Variants in FHIT observed in about 807,000 individuals in gnomAD.
FHIT encodes fragile histidine triad diadenosine triphosphatase.
A neutral mutation model predicts 17.9 loss-of-function variants in FHIT; 19 were observed. The ratio of observed to expected loss-of-function variants is 1.06; its 90% CI spans 0.74 to 1.56. The LOEUF is 1.56. Ranked by LOEUF, FHIT falls within the 40% of genes most tolerant of loss-of-function variation. FHIT has a pLI of 0.00. For synonymous variants in FHIT, 81 were observed against 69.7 expected (o/e 1.16, Z -0.81); for missense variants, 248 against 189.2 (o/e 1.31, Z -1.82).
intron 3 of FHIT, among the ~76,000 whole-genome samples, chr3:60,995,193 C>A (rs1253214064): frequency 6.6e-6 from 1 of 151,908 alleles, no homozygotes; most frequent in Non-Finnish European, 1.5e-5. Flanking sequence ...TGGTGGCAGG[C>A]GCCTGAGTCC....
At chr3:59,939,912 A>T (rs996377867) in intron 7 of FHIT, among the ~76,000 whole-genome samples, 1 of 152,184 alleles carries the variant, frequency 6.6e-6, no homozygotes, top group African/African-American at 2.4e-5. Flanking sequence ...CTCCATGGTC[A>T]TACATCCAGC....
At chr3:60,952,486 T>A (rs188344993) in intron 3 of FHIT, among the ~76,000 whole-genome samples, 38 of 152,294 alleles carry the variant, frequency 2.5e-4, no homozygotes, top group Admixed American at 7.2e-4. Context: ...CTCAGTACTA[T>A]TCCAGGAGAA....
At chr3:59,812,881 C>G (rs2107053442) in intron 8 of FHIT, among the ~76,000 whole-genome samples, 1 of 152,258 alleles carries the variant, frequency 6.6e-6, no homozygotes, top group East Asian at 1.9e-4. Flanking sequence ...AAAGCATAAA[C>G]CTGGTATCTC....
Position 60,572,048 on chromosome 3 carries a change from T to C in FHIT, c.-17-35069A>G, listed in dbSNP as rs2037402933. Among the ~76,000 whole-genome samples the C allele has an allele frequency of 3.3e-5, 5 of 151,566 alleles. No homozygotes were observed. In the South Asian group the frequency reaches 1.0e-3, roughly 31 times the overall value. On this transcript the variant is annotated intron_variant, in intron 4 of 9. Coordinates refer to ENST00000492590, the MANE Select transcript of FHIT (RefSeq NM_002012.4). ...TTTCTTTTTTTTGGGGGGGAAGATT[T>C]AACAGGCATTACTTGAAGAAACTTA...
chr3:59,799,679 T>C (rs1413903402), intron 8 of FHIT, among the ~76,000 whole-genome samples: 1 of 152,222 alleles, frequency 6.6e-6, no homozygotes, highest in Non-Finnish European at 1.5e-5. Context: ...TTTCTTCCAT[T>C]TATTTCATTT....
At chr3:59,924,189 A>T (rs1705545131) in intron 7 of FHIT, among the ~76,000 whole-genome samples, 5 of 152,208 alleles carry the variant, frequency 3.3e-5, no homozygotes, top group African/African-American at 1.2e-4. Flanking sequence ...ATAACGTAGA[A>T]CAAGGATACA....
chr3:60,331,012 T>G (rs1281469849), intron 5 of FHIT, among the ~76,000 whole-genome samples: 1 of 152,222 alleles, frequency 6.6e-6, no homozygotes, highest in Non-Finnish European at 1.5e-5. Context: ...CTTTTCAAGA[T>G]TCTTCCAAGG....
At chr3:60,560,217 A>T (rs140419800) in intron 4 of FHIT, among the ~76,000 whole-genome samples, 1 of 152,282 alleles carries the variant, frequency 6.6e-6, no homozygotes, top group African/African-American at 2.4e-5. Flanking sequence ...GGTGTTAACT[A>T]ATTAGTATAC....
intron 3 of FHIT, among the ~76,000 whole-genome samples, chr3:60,970,122 C>A (rs6808414): frequency 0.25 from 37,745 of 152,102 alleles, 5,895 homozygotes; most frequent in East Asian, 0.62. Flanking sequence ...CCAGGCCCAG[C>A]CGTTTACTGA....
At chr3:59,855,576 C>T (rs1051070406) in intron 8 of FHIT, among the ~76,000 whole-genome samples, 4 of 152,084 alleles carry the variant, frequency 2.6e-5, no homozygotes, top group African/African-American at 9.7e-5. Flanking sequence ...ATATTAAAAT[C>T]TGTACTTATA....
intron 5 of FHIT, chr3:60,536,487 T>G (rs2035985418): frequency 5.7e-6 from 1 of 174,048 alleles, no homozygotes; most frequent in South Asian, 2.0e-4. Flanking sequence ...CAATCTACTA[T>G]TAAAATTCAC....
intron 3 of FHIT, among the ~76,000 whole-genome samples, chr3:60,885,341 T>G (rs1414275914): frequency 6.6e-6 from 1 of 152,166 alleles, no homozygotes; most frequent in African/African-American, 2.4e-5. Flanking sequence ...GTATCAATAA[T>G]AAAAAACATT....
chr3:61,155,591 C>CGT (rs1370096756), intron 2 of FHIT, among the ~76,000 whole-genome samples: 2 of 151,560 alleles, frequency 1.3e-5, no homozygotes, highest in Non-Finnish European at 2.9e-5. Context: ...TTCATCTTCT[C>CGT]CTTTTTTTCT....
chr3:59,968,759 C>T (rs895632309), intron 7 of FHIT, among the ~76,000 whole-genome samples: 3 of 152,186 alleles, frequency 2.0e-5, no homozygotes, highest in Admixed American at 6.6e-5. Context: ...GCACTCAACG[C>T]TGCTAGATGC....
chr3:59,831,042 G>A (rs1302354448), intron 8 of FHIT, among the ~76,000 whole-genome samples: 2 of 152,130 alleles, frequency 1.3e-5, no homozygotes, highest in Non-Finnish European at 2.9e-5. Flanking sequence ...AGTATCCGAT[G>A]TTACCAGTGT....
chr3:59,956,624 C>T (rs1022208345), intron 7 of FHIT, among the ~76,000 whole-genome samples: 4 of 151,990 alleles, frequency 2.6e-5, no homozygotes, highest in Non-Finnish European at 4.4e-5. Flanking sequence ...GCCAAGATCG[C>T]GCCACTGCAC....
rs1282290396 is a variant in FHIT at position 60,286,079 on chromosome 3, A to G, written c.103+250781T>C. On this transcript the variant is annotated intron_variant, in intron 5 of 9. Transcript: ENST00000492590. ...AGCACACACCAACATGCATGAGGTG[A>G]ATGCTATTCACTCCACCTGCACTGA... Among the ~76,000 whole-genome samples, 3 of 152,230 alleles carry G rather than the reference A, an allele frequency of 2.0e-5. No individual in the cohort carries two copies. In the East Asian group the frequency reaches 5.8e-4, roughly 29 times the overall value.
intron 4 of FHIT, among the ~76,000 whole-genome samples, chr3:60,667,214 C>G (rs371526785): frequency 1.3e-5 from 2 of 151,712 alleles, no homozygotes; most frequent in East Asian, 3.9e-4. Flanking sequence ...TCTTTATCCT[C>G]TTCTGGGACT....
At chr3:60,758,579 C>T (rs1202466720) in intron 4 of FHIT, among the ~76,000 whole-genome samples, 3 of 152,066 alleles carry the variant, frequency 2.0e-5, no homozygotes, top group Admixed American at 6.5e-5. Flanking sequence ...CATGGGCGTG[C>T]GGATTCAGAA....
Sources: gnomAD v4.1 joint callset for allele counts (sites outside exome capture counted in the v4.1 genomes callset) on GRCh38, gnomAD v4.1.1 for gene constraint, MANE v1.5 for transcripts, NCBI Gene and HGNC (gene_info 2026-07-23, HGNC 2026-07-21) for gene names.